FRMD4A: variants seen among roughly 807,000 people sequenced by gnomAD.
FRMD4A encodes FERM domain containing 4A.
A neutral mutation model predicts 129.1 loss-of-function variants in FRMD4A; 29 were observed. The ratio of observed to expected loss-of-function variants is 0.22; its 90% confidence interval spans 0.17 to 0.31. FRMD4A has a LOEUF of 0.31. FRMD4A is among the 10% of genes least tolerant of loss of function. The pLI, the probability that FRMD4A is intolerant of heterozygous loss-of-function variation, is 1.00. For missense variants in FRMD4A, 1,272 were observed against 1,375.8 expected, an observed-to-expected ratio of 0.92 and a Z score of 1.19; for synonymous variants, 634 against 571.6, an observed-to-expected ratio of 1.11 and a Z score of -1.56.
chr10:14,024,671 A>G (rs1449815840), intron 2 of FRMD4A, among the ~76,000 whole-genome samples: 2 of 152,264 alleles, frequency 1.3e-5, no homozygotes, highest in Non-Finnish European at 2.9e-5. Context: ...CAGAATGGGC[A>G]TAAAGCGAGG....
At chr10:13,967,080 G>A (rs1768900847) in intron 2 of FRMD4A, among the ~76,000 whole-genome samples, 1 of 152,242 alleles carries the variant, frequency 6.6e-6, no homozygotes, top group South Asian at 2.1e-4. Flanking sequence ...GCTCACGCCT[G>A]TAATCCCAGC....
At chr10:13,902,126 C>T (rs1458430007) in intron 2 of FRMD4A, among the ~76,000 whole-genome samples, 2 of 144,898 alleles carry the variant, frequency 1.4e-5, no homozygotes, top group Non-Finnish European at 3.0e-5. Flanking sequence ...AAGTGATCCT[C>T]CTGTCTCAGC....
intron 2 of FRMD4A, among the ~76,000 whole-genome samples, chr10:14,239,733 C>A (rs950674282): frequency 2.6e-5 from 4 of 152,116 alleles, no homozygotes; most frequent in Non-Finnish European, 5.9e-5. Flanking sequence ...ACCTGAATTC[C>A]AGCCTGACTG....
intron 4 of FRMD4A, among the ~76,000 whole-genome samples, chr10:13,805,272 G>A (rs1034950697): frequency 1.3e-5 from 2 of 151,772 alleles, no homozygotes; most frequent in Admixed American, 6.6e-5. Flanking sequence ...GCCTCCCAAC[G>A]TGTTGGGATT....
chr10:13,762,602 G>A (rs751918600), intron 7 of FRMD4A, 22 bp downstream of exon 7: 1 of 1,424,578 alleles, frequency 7.0e-7, no homozygotes, highest in East Asian at 2.3e-5. Flanking sequence ...GGGACATAAA[G>A]AGGAGGAGAA....
intron 2 of FRMD4A, among the ~76,000 whole-genome samples, chr10:14,077,201 A>G (rs1224171118): frequency 6.6e-6 from 1 of 152,210 alleles, no homozygotes; most frequent in Non-Finnish European, 1.5e-5. Context: ...CTTGCAACCA[A>G]GGATGATCCC....
At chr10:13,679,474 T>TATATATATATATACACAC (rs1308155926) in intron 15 of FRMD4A, among the ~76,000 whole-genome samples, 2 of 31,490 alleles carry the variant, frequency 6.4e-5, no homozygotes, top group African/African-American at 1.3e-4. Flanking sequence ...TATATATATA[T>TATATATATATATACACAC]ACACACACAC....
At chr10:13,681,601 G>C (rs1274605001) in intron 15 of FRMD4A, among the ~76,000 whole-genome samples, 2 of 152,234 alleles carry the variant, frequency 1.3e-5, no homozygotes, top group Non-Finnish European at 1.5e-5. Flanking sequence ...TTTTTGTAAA[G>C]TTTCAGGCAA....
At chr10:13,722,227 CTTTTTTT>C (rs1204085901) in intron 12 of FRMD4A, among the ~76,000 whole-genome samples, 4 of 126,816 alleles carry the variant, frequency 3.2e-5, no homozygotes, top group Non-Finnish European at 6.7e-5. Context: ...GGCCAGGGCT[CTTTTTTT>C]TTTTTTTTTT....
intron 2 of FRMD4A, among the ~76,000 whole-genome samples, chr10:14,070,826 A>C (rs34526830): frequency 0.31 from 47,491 of 152,086 alleles, 7,767 homozygotes; most frequent in East Asian, 0.46. Flanking sequence ...ACCCTGAATC[A>C]TCAGGACTGG....
At chr10:14,191,361 T>C (rs1842311489) in intron 2 of FRMD4A, among the ~76,000 whole-genome samples, 1 of 152,170 alleles carries the variant, frequency 6.6e-6, no homozygotes, top group Admixed American at 6.5e-5. Flanking sequence ...AAGCAGAGGC[T>C]AATGGGGTCA....
At chr10:13,685,937 C>T (rs943099) in intron 15 of FRMD4A, among the ~76,000 whole-genome samples, 73,753 of 151,876 alleles carry the variant, frequency 0.49, 19,291 homozygotes, top group Non-Finnish European at 0.6. Flanking sequence ...ATGACTTTGT[C>T]TTTATTTCCC....
chr10:13,813,512 T>C (rs114629426), intron 3 of FRMD4A, among the ~76,000 whole-genome samples: 143 of 152,348 alleles, frequency 9.4e-4, no homozygotes, highest in African/African-American at 3.3e-3. Flanking sequence ...GGTAAGCTCA[T>C]TGGAAGTTGA....
chr10:14,189,101 C>T (rs547801607), intron 2 of FRMD4A, among the ~76,000 whole-genome samples: 18 of 152,288 alleles, frequency 1.2e-4, no homozygotes, highest in African/African-American at 4.3e-4. Flanking sequence ...ATTTCCACCT[C>T]TGTGTATGGT....
At chr10:13,963,404 T>C (rs2095460301) in intron 2 of FRMD4A, among the ~76,000 whole-genome samples, 1 of 151,250 alleles carries the variant, frequency 6.6e-6, no homozygotes, top group African/African-American at 2.4e-5. Context: ...AACGAAATGA[T>C]GAAAGGGGAA....
intron 2 of FRMD4A, among the ~76,000 whole-genome samples, chr10:13,963,160 G>A (rs1293715502): frequency 1.3e-5 from 2 of 152,016 alleles, no homozygotes; most frequent in Non-Finnish European, 2.9e-5. Context: ...TTTACTGACA[G>A]GCACCTACAG....
At chr10:14,322,174 G>A (rs1042336292) in intron 2 of FRMD4A, among the ~76,000 whole-genome samples, 1 of 152,146 alleles carries the variant, frequency 6.6e-6, no homozygotes, top group Non-Finnish European at 1.5e-5. Flanking sequence ...AGAGAGTAGA[G>A]GCCTGGACTA....
At chr10:13,869,096 T>C (rs1389470145) in intron 2 of FRMD4A, among the ~76,000 whole-genome samples, 1 of 152,174 alleles carries the variant, frequency 6.6e-6, no homozygotes, top group Non-Finnish European at 1.5e-5. Context: ...AAATTCGGTT[T>C]TCTCTGATCA....
chr10:14,053,043 A>T (rs531560122), intron 2 of FRMD4A, among the ~76,000 whole-genome samples: 4 of 152,272 alleles, frequency 2.6e-5, no homozygotes, highest in African/African-American at 9.6e-5. Context: ...TGAAGGGAAC[A>T]AACATCCAAA....
Sources: gnomAD v4.1 joint callset for allele counts (sites outside exome capture counted in the v4.1 genomes callset) on GRCh38, gnomAD v4.1.1 for gene constraint, MANE v1.5 for transcripts, NCBI Gene and HGNC (gene_info 2026-07-23, HGNC 2026-07-21) for gene names.